SFXN5: variants seen among roughly 807,000 people sequenced by gnomAD.
SFXN5 encodes the protein sideroflexin-5.
In SFXN5, 43 loss-of-function variants were observed where a neutral mutation model predicts 50.2. The ratio of observed to expected loss-of-function variants is 0.86; its 90% CI spans 0.67 to 1.11. The LOEUF is 1.11. Ranked by LOEUF, SFXN5 falls within the 50% of genes least tolerant of loss-of-function variation. The probability of loss-of-function intolerance (pLI) is 0.00; values close to 1 mark genes in which losing one functional copy is unlikely to be tolerated. For missense variants in SFXN5, 463 were observed against 454.1 expected (o/e 1.02, Z -0.18); for synonymous variants, 203 against 185.8 (o/e 1.09, Z -0.75).
In SFXN5 at chr2:72,998,985, T is replaced by C; in HGVS notation, c.498A>G (p.Gly166=). ...KPSPASKFIQ[G]YLGAVISAVS... is the part of the protein sequence containing the mutation. ...CGGCGCTGATGACAGCTCCCAGGTA[T>C]CCCTGGATGAACTTGGATGCAGGTG... The change falls in exon 9 of 14, where the codon GGA becomes GGG. Residue 166 remains glycine, a synonymous_variant. Transcript: ENST00000272433. 6.2e-7 allele frequency: 1 copy of C among 1,614,154 alleles called. No individual in the cohort carries two copies. Among genetic ancestry groups the C allele is most frequent in the South Asian group, 1.1e-5 (1 of 91,054 alleles).
intron 9 of SFXN5, among the ~76,000 whole-genome samples, chr2:72,994,247 C>T (rs1380567311): frequency 6.6e-6 from 1 of 152,204 alleles, no homozygotes; most frequent in Non-Finnish European, 1.5e-5. Context: ...GTGCTGTAGG[C>T]ACTCCAGAAG....
chr2:73,067,264 C>A (rs950736003), intron 1 of SFXN5, among the ~76,000 whole-genome samples: 3 of 152,136 alleles, frequency 2.0e-5, no homozygotes, highest in Admixed American at 1.3e-4. Context: ...CAAAAACAAG[C>A]AAAGTCTGAG....
At chr2:73,049,422 T>C (rs1680956234) in intron 2 of SFXN5, 1 of 152,272 alleles carries the variant, frequency 6.6e-6, no homozygotes, top group African/African-American at 2.4e-5. Flanking sequence ...CAGCTAATTT[T>C]TGAAAAATTT....
intron 2 of SFXN5, among the ~76,000 whole-genome samples, chr2:73,047,255 T>TATATATATATATATATATATACACACAC (rs1680546399): frequency 1.6e-5 from 1 of 61,870 alleles, no homozygotes; most frequent in East Asian, 4.9e-4. Context: ...AATATATATA[T>TATATATATATATATATATATACACACAC]ATATATATAT....
intron 6 of SFXN5, among the ~76,000 whole-genome samples, chr2:73,003,972 T>G (rs1674261621): frequency 6.6e-6 from 1 of 152,238 alleles, no homozygotes; most frequent in South Asian, 2.1e-4. Context: ...ATTGACTGAT[T>G]TGATTTTGCC....
At chr2:73,041,666 A>G (rs530366350) in intron 2 of SFXN5, 2 of 405,280 alleles carry the variant, frequency 4.9e-6, no homozygotes, top group East Asian at 1.5e-4. Flanking sequence ...CTCCATCTAA[A>G]AAAGAAAAAA....
chr2:72,979,493 G>A lies in SFXN5; in HGVS notation c.626-7808C>T, dbSNP rs1199915809. Among the ~76,000 whole-genome samples the A allele has an allele frequency of 2.6e-5, 4 of 152,064 alleles. No individual in the cohort carries two copies. The South Asian group carries it at 6.3e-4, about 24-fold the overall frequency. On this transcript the variant is annotated intron_variant, in intron 10 of 13. Coordinates refer to ENST00000272433, the MANE Select transcript of SFXN5 (RefSeq NM_144579.3). ...TACTAAAAACACAAAAATTAGCCAG[G>A]CATGGTGGCATGCACCTGTAATCCC...
chr2:72,944,940 T>G lies in SFXN5; in HGVS notation c.*82A>C. ...CTGCTGGGGTTGGCGTGCTGCTCCCTGCAGGTGCAGCCGTGAGTCTACGGC... is the reference window on the plus strand; with the variant it reads ...CTGCTGGGGTTGGCGTGCTGCTCCCGGCAGGTGCAGCCGTGAGTCTACGGC... On this transcript the variant is annotated 3_prime_UTR_variant, in exon 14 of 14. Transcript: ENST00000272433. 6 of 1,336,142 alleles carry G rather than the reference T, an allele frequency of 4.5e-6. No individual in the cohort carries two copies. Among genetic ancestry groups the G allele is most frequent in the Non-Finnish European group, 6.3e-6 (6 of 949,728 alleles). 82.8% of individuals were successfully genotyped at this position (1,336,142 alleles called of 1,614,324 possible).
chr2:73,055,623 A>AGT (rs1682001740), intron 2 of SFXN5, among the ~76,000 whole-genome samples: 1 of 139,314 alleles, frequency 7.2e-6, no homozygotes, highest in Non-Finnish European at 1.5e-5. Flanking sequence ...TTTGAGACAG[A>AGT]GTCTCACTCT....
intron 13 of SFXN5, among the ~76,000 whole-genome samples, chr2:72,946,670 C>G (rs1033751977): frequency 3.3e-5 from 5 of 152,190 alleles, no homozygotes; most frequent in African/African-American, 9.7e-5. Flanking sequence ...CTCTCCATCT[C>G]GGGAATGACG....
intron 13 of SFXN5, among the ~76,000 whole-genome samples, chr2:72,957,532 G>A (rs1333904875): frequency 1.3e-5 from 2 of 152,170 alleles, no homozygotes; most frequent in African/African-American, 2.4e-5. Context: ...TTCTACCTCC[G>A]AGTCCCCTGA....
At chr2:72,958,251 G>C (rs946440416) in intron 13 of SFXN5, among the ~76,000 whole-genome samples, 4 of 152,188 alleles carry the variant, frequency 2.6e-5, no homozygotes, top group African/African-American at 9.7e-5. Context: ...GCTGTCCCAA[G>C]GTAGGTAAGG....
chr2:72,992,271 T>C lies in SFXN5; in HGVS notation c.535-3923A>G, dbSNP rs1166703783. On this transcript the variant is annotated intron_variant, in intron 9 of 13. Transcript: ENST00000272433. The surrounding 1 kb of genome is among the most constrained non-coding windows in gnomAD (Gnocchi z 4.5). ...CCAGCACCAGGAGCTATGGGTGGGG[T>C]GGGAGCTTCATGACACCAAATCTTT... Among the ~76,000 whole-genome samples, 5 of 152,006 alleles carry C rather than the reference T, an allele frequency of 3.3e-5. No individual in the cohort carries two copies. Among genetic ancestry groups the C allele is most frequent in the Admixed American group, 6.5e-5 (1 of 15,270 alleles).
At chr2:73,066,974 G>A (rs193267720) in intron 1 of SFXN5, among the ~76,000 whole-genome samples, 194 of 152,280 alleles carry the variant, frequency 1.3e-3, no homozygotes, top group African/African-American at 4.1e-3. Flanking sequence ...GAGCCCAGGC[G>A]CTCAAGGCTG....
rs74730522 is a variant in SFXN5, at chr2:72,958,959, A to G, written c.945+2172T>C. Among the ~76,000 whole-genome samples the G allele has an allele frequency of 4.0e-4, 60 of 151,876 alleles. 3 individuals are homozygous for G. In the East Asian group the frequency reaches 0.012, roughly 29 times the overall value. On this transcript the variant is annotated intron_variant, in intron 13 of 13. Transcript: ENST00000272433. ...TGGGGCTCTGGAAGGAAGCCACCCCATTTCTCACCTTCCAGGGCCTAAGGC... is the reference window on the plus strand; with the variant it reads ...TGGGGCTCTGGAAGGAAGCCACCCCGTTTCTCACCTTCCAGGGCCTAAGGC...
At chr2:72,983,392 G>A (rs1026444118) in intron 10 of SFXN5, among the ~76,000 whole-genome samples, 2 of 152,214 alleles carry the variant, frequency 1.3e-5, no homozygotes, top group Non-Finnish European at 2.9e-5. Flanking sequence ...GACGGCACAG[G>A]AAGAAGTCAT....
intron 6 of SFXN5, among the ~76,000 whole-genome samples, chr2:73,009,055 C>T (rs1675136380): frequency 6.6e-6 from 1 of 152,202 alleles, no homozygotes; most frequent in Non-Finnish European, 1.5e-5. Flanking sequence ...TCAGTTGAGG[C>T]ACCTGCCAGC....
chr2:72,977,801 C>A (rs966458441), intron 10 of SFXN5, among the ~76,000 whole-genome samples: 2 of 151,818 alleles, frequency 1.3e-5, no homozygotes, highest in African/African-American at 4.8e-5. Flanking sequence ...ATGGAGAAAC[C>A]CCATCTCTAC....
rs202000254 is a variant in SFXN5 at position 73,058,581 on chromosome 2, G to A, written c.118C>T (p.Arg40Cys). 9.2e-5 allele frequency: 148 copies of A among 1,613,938 alleles called. No homozygotes were observed. Among genetic ancestry groups the A allele is most frequent in the Non-Finnish European group, 5.2e-5 (61 of 1,180,002 alleles). The change falls in exon 2 of 14, where the codon CGC becomes TGC. Residue 40 changes from arginine (R) to cysteine (C), a missense_variant. Physicochemically the swap from Arg to Cys is radical, Grantham distance 180. Coordinates refer to ENST00000272433, the MANE Select transcript of SFXN5 (RefSeq NM_144579.3). ...ATGATATCCAAGAAGTGCCTGAAGCGGCCATAGAAGGACGTCTGAAGAAGA... is the reference window on the plus strand; with the variant it reads ...ATGATATCCAAGAAGTGCCTGAAGCAGCCATAGAAGGACGTCTGAAGAAGA... Reference protein sequence around the residue: ...PRFQQTSFYGRFRHFLDIIDP... With the variant: ...PRFQQTSFYGCFRHFLDIIDP...
Sources: allele counts gnomAD v4.1 joint callset (sites outside exome capture counted in the v4.1 genomes callset), GRCh38; gene constraint gnomAD v4.1.1; non-coding constraint Gnocchi (gnomAD v3.1); transcripts MANE v1.5; gene names NCBI Gene and HGNC (gene_info 2026-07-23, HGNC 2026-07-21).